NEDD9: variants seen among roughly 807,000 people sequenced by gnomAD.
The protein encoded by NEDD9 is enhancer of filamentation 1.
In NEDD9, 26 loss-of-function variants were observed where a neutral mutation model predicts 76.6. That is an observed-to-expected ratio of 0.34 (90% CI 0.25 to 0.47). The LOEUF (loss-of-function observed/expected upper bound fraction) is 0.47, where lower values mean the gene tolerates loss of function less well. NEDD9 is among the 20% of genes least tolerant of loss of function. The probability of loss-of-function intolerance (pLI) is 1.00; values close to 1 mark genes in which losing one functional copy is unlikely to be tolerated. For missense variants in NEDD9, 937 were observed against 1,058.5 expected (o/e 0.89, Z 1.59); for synonymous variants, 392 against 414.2 (o/e 0.95, Z 0.65).
intron 2 of NEDD9, among the ~76,000 whole-genome samples, chr6:11,324,740 TAAGTGACTCCC>T (rs1761885188): frequency 6.8e-6 from 1 of 147,564 alleles, no homozygotes; most frequent in African/African-American, 2.5e-5. Flanking sequence ...ATGAAGCTTC[TAAGTGACTCCC>T]AAGTGTGTTT....
At chr6:11,196,314 A>AAAAC (rs753048831) in intron 2 of NEDD9, among the ~76,000 whole-genome samples, 20 of 152,078 alleles carry the variant, frequency 1.3e-4, no homozygotes, top group African/African-American at 2.7e-4. Context: ...AAAACAAAAC[A>AAAAC]AAACAAACAA....
chr6:11,192,272 C>CCCCAACCA, intron 4 of NEDD9, 73 bp downstream of exon 4: 1 of 271,566 alleles, frequency 3.7e-6, no homozygotes, highest in Non-Finnish European at 6.8e-6. Flanking sequence ...TACCCACCCT[C>CCCCAACCA]CCAACCCTGC....
chr6:11,230,922 T>G (rs1759451974), intron 1 of NEDD9, among the ~76,000 whole-genome samples: 1 of 152,246 alleles, frequency 6.6e-6, no homozygotes, highest in South Asian at 2.1e-4. Context: ...TTTGTCGCTT[T>G]CGTCACTTTC....
intron 2 of NEDD9, among the ~76,000 whole-genome samples, chr6:11,326,490 T>C (rs1761932471): frequency 6.6e-6 from 1 of 152,272 alleles, no homozygotes; most frequent in African/African-American, 2.4e-5. Context: ...TTTCTCATGC[T>C]TAACTTTTAT....
intron 1 of NEDD9, among the ~76,000 whole-genome samples, chr6:11,372,920 A>G (rs1762903878): frequency 6.6e-6 from 1 of 152,192 alleles, no homozygotes; most frequent in Non-Finnish European, 1.5e-5. Context: ...TTTTTTTTAA[A>G]TGGATTCTCA....
chr6:11,224,657 G>A (rs1461708094), intron 1 of NEDD9, among the ~76,000 whole-genome samples: 1 of 152,182 alleles, frequency 6.6e-6, no homozygotes, highest in Non-Finnish European at 1.5e-5. Flanking sequence ...GATGACTGAT[G>A]TGTCCTGACA....
intron 1 of NEDD9, among the ~76,000 whole-genome samples, chr6:11,354,230 G>A (rs534159839): frequency 1.3e-4 from 20 of 152,302 alleles, no homozygotes; most frequent in Admixed American, 3.9e-4. Flanking sequence ...TGTACAGGAC[G>A]CATTGAAGAA....
chr6:11,364,729 C>T (rs192620534), intron 1 of NEDD9, among the ~76,000 whole-genome samples: 175 of 152,252 alleles, frequency 1.1e-3, no homozygotes, highest in African/African-American at 4.1e-3. Flanking sequence ...TGTAATCTCC[C>T]GTCCCTTCTA....
At chr6:11,378,366 C>T (rs1763003260) in intron 1 of NEDD9, among the ~76,000 whole-genome samples, 1 of 152,186 alleles carries the variant, frequency 6.6e-6, no homozygotes, top group Admixed American at 6.5e-5. Context: ...AGAGGCCTCA[C>T]CAGAAGCAGA....
intron 1 of NEDD9, among the ~76,000 whole-genome samples, chr6:11,227,008 A>G (rs900066219): frequency 6.6e-6 from 1 of 152,198 alleles, no homozygotes; most frequent in South Asian, 2.1e-4. Flanking sequence ...TTTTTTTACT[A>G]TGCCATATAG....
intron 2 of NEDD9, among the ~76,000 whole-genome samples, chr6:11,316,117 G>A (rs1189770012): frequency 1.3e-5 from 2 of 152,172 alleles, no homozygotes; most frequent in Non-Finnish European, 2.9e-5. Context: ...CTTGGATGCT[G>A]ACTATTTACA....
intron 3 of NEDD9, 83 bp from the exon 4 acceptor site, chr6:11,192,529 A>T (rs1041884288): frequency 2.2e-6 from 2 of 922,252 alleles, no homozygotes; most frequent in South Asian, 3.2e-5. Context: ...TTAATTATGG[A>T]TTTATTTACC....
At chr6:11,272,149 G>A (rs1760320987) in intron 3 of NEDD9, among the ~76,000 whole-genome samples, 1 of 152,102 alleles carries the variant, frequency 6.6e-6, no homozygotes, top group African/African-American at 2.4e-5. Context: ...CTGGGGACTT[G>A]GTTTACCTTT....
At chr6:11,204,900 G>A (rs150238518) in intron 2 of NEDD9, among the ~76,000 whole-genome samples, 5 of 152,158 alleles carry the variant, frequency 3.3e-5, no homozygotes, top group African/African-American at 7.2e-5. Flanking sequence ...ACAGCTAGGT[G>A]GGGGGAACTT....
chr6:11,344,493 A>G (rs1426856846), intron 1 of NEDD9, among the ~76,000 whole-genome samples: 1 of 152,240 alleles, frequency 6.6e-6, no homozygotes, highest in East Asian at 1.9e-4. Flanking sequence ...CAGGTGGGGC[A>G]TGTTTATTTC....
chr6:11,366,520 G>C (rs1269212398), intron 1 of NEDD9, among the ~76,000 whole-genome samples: 1 of 152,132 alleles, frequency 6.6e-6, no homozygotes, highest in African/African-American at 2.4e-5. Flanking sequence ...GTACCAAAGG[G>C]TCACTTCATA....
intron 3 of NEDD9, among the ~76,000 whole-genome samples, chr6:11,257,405 G>A (rs1484779927): frequency 6.6e-6 from 1 of 152,188 alleles, no homozygotes; most frequent in Non-Finnish European, 1.5e-5. Flanking sequence ...CTAATGGGAA[G>A]ACAAGGATCT....
chr6:11,295,887 C>T (rs1760876543), intron 3 of NEDD9, among the ~76,000 whole-genome samples: 1 of 152,170 alleles, frequency 6.6e-6, no homozygotes, highest in Non-Finnish European at 1.5e-5. Context: ...ACACATTACA[C>T]CCACGTTAGG....
In NEDD9 at chr6:11,287,247, G is replaced by A. The variant is rs1760669373; in HGVS notation, c.12+18745C>T. Among the ~76,000 whole-genome samples the A allele has an allele frequency of 2.0e-5, 3 of 152,036 alleles. No homozygotes were observed. In the South Asian group the frequency reaches 6.2e-4, roughly 32 times the overall value. On this transcript the variant is annotated intron_variant, in intron 3 of 3. Transcript: ENST00000397378. The stretch of plus-strand genomic sequence containing the variant: ...GTTCGAGACCAGCCTGGCCAACATG[G>A]CAAAACCCCATCTCTACTAAAAATA...
Sources: allele counts gnomAD v4.1 joint callset (sites outside exome capture counted in the v4.1 genomes callset), GRCh38; gene constraint gnomAD v4.1.1; transcripts MANE v1.5; gene names NCBI Gene and HGNC (gene_info 2026-07-23, HGNC 2026-07-21).